Variants in CADM1 observed in about 807,000 individuals in gnomAD.
CADM1 encodes TSLC-1.
A neutral mutation model predicts 53.1 loss-of-function variants in CADM1; 15 were observed. The observed-to-expected ratio is 0.28, with a 90% CI of 0.19 to 0.44. The LOEUF is 0.44. Among genes scored for constraint, CADM1 ranks in the 20% least tolerant of loss-of-function variants. The probability of loss-of-function intolerance (pLI) is 1.00; values close to 1 mark genes in which losing one functional copy is unlikely to be tolerated. For synonymous variants in CADM1, 281 were observed against 243.0 expected (o/e 1.16, Z -1.45); for missense variants, 434 against 611.3 (o/e 0.71, Z 3.06).
intron 1 of CADM1, among the ~76,000 whole-genome samples, chr11:115,475,535 T>C (rs191326481): frequency 6.6e-6 from 1 of 152,314 alleles, no homozygotes; most frequent in East Asian, 1.9e-4. Flanking sequence ...CTTCTGTGAA[T>C]GAAGGGATAG....
intron 7 of CADM1, among the ~76,000 whole-genome samples, chr11:115,214,111 G>A (rs548617586): frequency 6.6e-6 from 1 of 152,258 alleles, no homozygotes; most frequent in Non-Finnish European, 1.5e-5. Context: ...GCTACAGGTG[G>A]TTCATGTAGC....
chr11:115,182,256 G>A (rs937498001), intron 10 of CADM1, among the ~76,000 whole-genome samples: 4 of 152,134 alleles, frequency 2.6e-5, no homozygotes, highest in African/African-American at 9.7e-5. Flanking sequence ...TGTGGGAGTG[G>A]AAAGCACTTT....
chr11:115,311,162 T>C (rs1360289109), intron 1 of CADM1, among the ~76,000 whole-genome samples: 1 of 152,170 alleles, frequency 6.6e-6, no homozygotes, highest in Non-Finnish European at 1.5e-5. Context: ...AGACACTATT[T>C]GACGATTTCT....
At chr11:115,439,116 G>A (rs955164578) in intron 1 of CADM1, among the ~76,000 whole-genome samples, 5 of 152,118 alleles carry the variant, frequency 3.3e-5, no homozygotes, top group South Asian at 2.1e-4. Context: ...TGAAACATGC[G>A]ATCTGAGCCC....
At chr11:115,456,260 A>G (rs1302768983) in intron 1 of CADM1, among the ~76,000 whole-genome samples, 1 of 152,198 alleles carries the variant, frequency 6.6e-6, no homozygotes, top group African/African-American at 2.4e-5. Flanking sequence ...GAATATACAT[A>G]AAAGTATGTG....
chr11:115,479,271 T>C (rs314509), intron 1 of CADM1, among the ~76,000 whole-genome samples: 10,986 of 152,162 alleles, frequency 0.072, 537 homozygotes, highest in African/African-American at 0.13. Flanking sequence ...AGAAAGTATC[T>C]TATGTTCAAA....
chr11:115,324,941 A>G (rs1479638332), intron 1 of CADM1, among the ~76,000 whole-genome samples: 2 of 152,164 alleles, frequency 1.3e-5, no homozygotes, highest in Non-Finnish European at 2.9e-5. Flanking sequence ...CACCTGCGCC[A>G]CGTTATTTAT....
chr11:115,503,715 T>C (rs1394028889), intron 1 of CADM1, among the ~76,000 whole-genome samples: 2 of 147,300 alleles, frequency 1.4e-5, no homozygotes, highest in Non-Finnish European at 3.0e-5. Flanking sequence ...CAGAGCGCGT[T>C]GGGGGAAGGG....
intron 5 of CADM1, among the ~76,000 whole-genome samples, chr11:115,220,957 A>G (rs1056892130): frequency 6.6e-6 from 1 of 152,230 alleles, no homozygotes; most frequent in African/African-American, 2.4e-5. Context: ...TATTTTAATT[A>G]TGTTCATAAA....
chr11:115,337,163 T>G (rs1216206384), intron 1 of CADM1, among the ~76,000 whole-genome samples: 3 of 152,160 alleles, frequency 2.0e-5, no homozygotes, highest in Non-Finnish European at 4.4e-5. Context: ...CCCGGCTCTT[T>G]CAGGGTTTTT....
intron 1 of CADM1, among the ~76,000 whole-genome samples, chr11:115,245,182 AAATCATATTAGGAAAACT>A (rs1380242571): frequency 6.6e-6 from 1 of 152,190 alleles, no homozygotes; most frequent in Non-Finnish European, 1.5e-5. Context: ...CCTTGTAGCA[AAATCATATTAGGAAAACT>A]AATCATATTA....
At chr11:115,397,567 A>G (rs1947032812) in intron 1 of CADM1, 6 of 152,194 alleles carry the variant, frequency 3.9e-5, no homozygotes, top group Admixed American at 3.9e-4. Context: ...CTAAACTGAT[A>G]TGTAACCCAA....
intron 1 of CADM1, among the ~76,000 whole-genome samples, chr11:115,281,716 G>A (rs1211353234): frequency 6.6e-6 from 1 of 152,194 alleles, no homozygotes; most frequent in Non-Finnish European, 1.5e-5. Context: ...TACACCTTAA[G>A]TGGAAATACA....
chr11:115,407,787 C>T (rs929450816), intron 1 of CADM1, among the ~76,000 whole-genome samples: 1 of 145,028 alleles, frequency 6.9e-6, no homozygotes, highest in East Asian at 2.1e-4. Flanking sequence ...GGAGGGTCAC[C>T]TGAGCCTGGG....
chr11:115,230,385 A>G (rs1941772934), intron 4 of CADM1, among the ~76,000 whole-genome samples: 1 of 152,204 alleles, frequency 6.6e-6, no homozygotes, highest in South Asian at 2.1e-4. Context: ...TCCATAAAGT[A>G]TGTAATACGA....
chr11:115,490,130 T>A (rs1011176697), intron 1 of CADM1, among the ~76,000 whole-genome samples: 3 of 152,226 alleles, frequency 2.0e-5, no homozygotes, highest in African/African-American at 4.8e-5. Context: ...AAGATTCCTC[T>A]AGAATCAGTG....
intron 11 of CADM1, among the ~76,000 whole-genome samples, chr11:115,177,954 G>A (rs1003315411): frequency 1.3e-5 from 2 of 152,026 alleles, no homozygotes; most frequent in Non-Finnish European, 1.5e-5. Flanking sequence ...GAGAGACAGG[G>A]GCGGACAAAG....
intron 1 of CADM1, among the ~76,000 whole-genome samples, chr11:115,498,482 C>T (rs905345368): frequency 4.6e-5 from 7 of 152,192 alleles, no homozygotes; most frequent in African/African-American, 1.7e-4. Context: ...TGGAAATGGC[C>T]AGTCTCGCCA....
At chr11:115,267,587 C>T (rs186660117) in intron 1 of CADM1, among the ~76,000 whole-genome samples, 313 of 152,072 alleles carry the variant, frequency 2.1e-3, no homozygotes, top group Non-Finnish European at 3.3e-3. Flanking sequence ...ATTTCTAAAG[C>T]AGTATGTAGG....
Sources: gnomAD v4.1 joint callset for allele counts (sites outside exome capture counted in the v4.1 genomes callset) on GRCh38, gnomAD v4.1.1 for gene constraint, MANE v1.5 for transcripts, NCBI Gene and HGNC (gene_info 2026-07-23, HGNC 2026-07-21) for gene names.